The following R3HDM1 variants were observed in gnomAD, a reference collection of about 807,000 sequenced individuals.
R3HDM1 encodes R3H domain-containing protein 1.
A neutral mutation model predicts 141.1 loss-of-function variants in R3HDM1; 46 were observed. The ratio of observed to expected loss-of-function variants is 0.33; its 90% CI spans 0.26 to 0.42. The LOEUF is 0.42. Ranked by LOEUF, R3HDM1 falls within the 10% of genes least tolerant of loss-of-function variation. R3HDM1 has a pLI of 1.00. For missense variants in R3HDM1, 1,184 were observed against 1,368.3 expected, an observed-to-expected ratio of 0.87 and a Z score of 2.12; for synonymous variants, 435 against 472.9, an observed-to-expected ratio of 0.92 and a Z score of 1.04.
chr2:135,575,666 A>G (rs1705256509), intron 1 of R3HDM1, among the ~76,000 whole-genome samples: 1 of 152,244 alleles, frequency 6.6e-6, no homozygotes, highest in Admixed American at 6.5e-5. Context: ...TCACAATGGT[A>G]GAGAAAACTC....
intron 21 of R3HDM1, among the ~76,000 whole-genome samples, chr2:135,683,452 G>A (rs553492031): frequency 1.3e-5 from 2 of 151,800 alleles, no homozygotes; most frequent in South Asian, 2.1e-4. Context: ...TACTCGGGAG[G>A]CTGAGGCAGG....
chr2:135,574,502 T>C (rs1433572896), intron 1 of R3HDM1, among the ~76,000 whole-genome samples: 2 of 152,220 alleles, frequency 1.3e-5, no homozygotes, highest in Admixed American at 6.5e-5. Context: ...GAAACAAATA[T>C]AGTATTGATA....
At chr2:135,717,719 C>G (rs1323046121) in intron 24 of R3HDM1, among the ~76,000 whole-genome samples, 1 of 152,126 alleles carries the variant, frequency 6.6e-6, no homozygotes, top group Non-Finnish European at 1.5e-5. Flanking sequence ...AGATACAGAG[C>G]TACTAAAATT....
chr2:135,654,464 TTGTTGA>T (rs2065534564), intron 18 of R3HDM1, among the ~76,000 whole-genome samples: 1 of 151,466 alleles, frequency 6.6e-6, no homozygotes, highest in Middle Eastern at 3.4e-3. Context: ...GTTGTTGTTG[TTGTTGA>T]GACAGAGTCT....
At chr2:135,679,500 A>C (rs1295179541) in intron 20 of R3HDM1, among the ~76,000 whole-genome samples, 1 of 152,160 alleles carries the variant, frequency 6.6e-6, no homozygotes, top group Non-Finnish European at 1.5e-5. Flanking sequence ...CAAAGCTCTC[A>C]CTTTTTATGA....
At chr2:135,623,435 G>A (rs986729553) in intron 7 of R3HDM1, among the ~76,000 whole-genome samples, 9 of 152,132 alleles carry the variant, frequency 5.9e-5, no homozygotes, top group African/African-American at 1.2e-4. Context: ...ATGGGCACAC[G>A]GAAGATAAGA....
chr2:135,647,425 T>C (rs964770697), intron 16 of R3HDM1, among the ~76,000 whole-genome samples: 3 of 152,246 alleles, frequency 2.0e-5, no homozygotes, highest in African/African-American at 7.2e-5. Context: ...TTAAAAACTC[T>C]GGGATTTATC....
At chr2:135,622,485 T>C (rs1393583169) in intron 6 of R3HDM1, 169 bp from the exon 7 acceptor site, 14 of 984,248 alleles carry the variant, frequency 1.4e-5, no homozygotes, top group Non-Finnish European at 1.6e-5. Flanking sequence ...TATATGGGAA[T>C]AGAAACATCG....
intron 1 of R3HDM1, among the ~76,000 whole-genome samples, chr2:135,560,742 G>C (rs1032517332): frequency 6.6e-6 from 1 of 152,094 alleles, no homozygotes; most frequent in Non-Finnish European, 1.5e-5. Flanking sequence ...ATGCTTTCTG[G>C]GCATCTGGAA....
chr2:135,573,875 T>C (rs1406969734), intron 1 of R3HDM1, among the ~76,000 whole-genome samples: 1 of 152,100 alleles, frequency 6.6e-6, no homozygotes, highest in African/African-American at 2.4e-5. Flanking sequence ...ATCCCAGTAA[T>C]ATGGTGCTTT....
intron 1 of R3HDM1, among the ~76,000 whole-genome samples, chr2:135,543,420 T>G (rs1037988781): frequency 1.2e-3 from 150 of 121,558 alleles, no homozygotes; most frequent in Non-Finnish European, 2.0e-3. Flanking sequence ...CTTTTTCGAG[T>G]TTTTTTTTTT....
chr2:135,532,709 G>A (rs938178202), intron 1 of R3HDM1, among the ~76,000 whole-genome samples: 1 of 152,116 alleles, frequency 6.6e-6, no homozygotes, highest in Non-Finnish European at 1.5e-5. Context: ...TATAATATGT[G>A]AAACAAGATC....
intron 1 of R3HDM1, chr2:135,586,306 C>T (rs929096711): frequency 6.6e-6 from 1 of 152,588 alleles, no homozygotes; most frequent in Non-Finnish European, 1.5e-5. Flanking sequence ...TCACAACATA[C>T]AGCTGTTGAC....
chr2:135,667,699 C>T (rs544623831), intron 19 of R3HDM1: 14 of 977,122 alleles, frequency 1.4e-5, no homozygotes, highest in Non-Finnish European at 1.2e-5. Context: ...CCTGTTGATA[C>T]TTTTCATTCT....
intron 1 of R3HDM1, among the ~76,000 whole-genome samples, chr2:135,571,997 TCATCCA>T (rs768997232): frequency 0.26 from 38,851 of 151,800 alleles, 8,746 homozygotes; most frequent in African/African-American, 0.6. Context: ...AGGCACCACG[TCATCCA>T]GGAGTGCAGT....
intron 20 of R3HDM1, among the ~76,000 whole-genome samples, chr2:135,676,872 T>C (rs1038449357): frequency 6.6e-6 from 1 of 152,034 alleles, no homozygotes; most frequent in Non-Finnish European, 1.5e-5. Flanking sequence ...AATAGCCTAG[T>C]TGGGAAGATA....
At chr2:135,624,562 C>T (rs2061819433) in intron 7 of R3HDM1, among the ~76,000 whole-genome samples, 1 of 151,964 alleles carries the variant, frequency 6.6e-6, no homozygotes, top group Non-Finnish European at 1.5e-5. Flanking sequence ...TGCTGGGAAG[C>T]CAGGGATGCC....
intron 21 of R3HDM1, among the ~76,000 whole-genome samples, chr2:135,690,963 A>G (rs1044668817): frequency 1.3e-5 from 2 of 152,204 alleles, no homozygotes; most frequent in Non-Finnish European, 2.9e-5. Flanking sequence ...CTCTTTATCC[A>G]TAATTGATCA....
At chr2:135,630,402 G>GT (rs1462451270) in intron 7 of R3HDM1, among the ~76,000 whole-genome samples, 1 of 151,572 alleles carries the variant, frequency 6.6e-6, no homozygotes, top group Non-Finnish European at 1.5e-5. Flanking sequence ...GGAGAAGCAG[G>GT]TTTGGAAACC....
Sources: allele counts gnomAD v4.1 joint callset (sites outside exome capture counted in the v4.1 genomes callset), GRCh38; gene constraint gnomAD v4.1.1; transcripts MANE v1.5; gene names NCBI Gene and HGNC (gene_info 2026-07-23, HGNC 2026-07-21).